ITGB5: variants seen among roughly 807,000 people sequenced by gnomAD.
ITGB5 encodes integrin beta-5.
ITGB5 carries 38 observed loss-of-function variants against 84.8 expected under a neutral mutation model. The observed-to-expected ratio is 0.45, with a 90% CI of 0.35 to 0.59. The LOEUF (loss-of-function observed/expected upper bound fraction) is 0.59, where lower values mean the gene tolerates loss of function less well. Ranked by LOEUF, ITGB5 falls within the 20% of genes least tolerant of loss-of-function variation. The probability of loss-of-function intolerance (pLI) is 0.01; values close to 1 mark genes in which losing one functional copy is unlikely to be tolerated. For missense variants in ITGB5, 905 were observed against 1,034.5 expected, an observed-to-expected ratio of 0.87 and a Z score of 1.72; for synonymous variants, 393 against 414.4, an observed-to-expected ratio of 0.95 and a Z score of 0.63.
At chr3:124,836,939 A>C (rs901470450) in intron 5 of ITGB5, among the ~76,000 whole-genome samples, 3 of 152,270 alleles carry the variant, frequency 2.0e-5, no homozygotes, top group Non-Finnish European at 4.4e-5. Flanking sequence ...ATTAAAACAG[A>C]AACTCTGTCT....
upstream of ITGB5, among the ~76,000 whole-genome samples, chr3:124,887,979 C>G (rs1934907002): frequency 6.6e-6 from 1 of 151,546 alleles, no homozygotes; most frequent in African/African-American, 2.4e-5. Context: ...TGCACTGGCC[C>G]AGTCTTGGCT....
At chr3:124,874,297 C>T (rs1406573393) in intron 1 of ITGB5, among the ~76,000 whole-genome samples, 1 of 79,974 alleles carries the variant, frequency 1.3e-5, no homozygotes. Context: ...GACCCAGTCT[C>T]AAAAGCCGGA....
chr3:124,888,574 C>G (rs965494220), upstream of ITGB5, among the ~76,000 whole-genome samples: 3 of 152,222 alleles, frequency 2.0e-5, no homozygotes, highest in African/African-American at 7.2e-5. Context: ...CAGCCAGGCA[C>G]TGTTCTAAGT....
chr3:124,876,111 C>T (rs1934300514), intron 1 of ITGB5, among the ~76,000 whole-genome samples: 1 of 152,118 alleles, frequency 6.6e-6, no homozygotes, highest in South Asian at 2.1e-4. Context: ...TAATGTATTG[C>T]ACACTTGAGA....
chr3:124,809,276 A>T, intron 8 of ITGB5, 120 bp from the exon 9 acceptor site: 2 of 1,061,720 alleles, frequency 1.9e-6, no homozygotes, highest in South Asian at 1.5e-5. Context: ...AAGCCAAAGG[A>T]AGAGCCAGTG....
At chr3:124,768,991 C>T (rs373303609) in intron 12 of ITGB5, 22 bp downstream of exon 12, 64 of 1,582,514 alleles carry the variant, frequency 4.0e-5, no homozygotes, top group East Asian at 6.7e-5. Flanking sequence ...CGTGACTGCC[C>T]GGGTGGTGGC....
At chr3:124,894,779 G>A (rs1935069407) in intron 1 of ITGB5, 1 of 152,284 alleles carries the variant, frequency 6.6e-6, no homozygotes, top group Non-Finnish European at 1.5e-5. Context: ...TAAAGGAGTA[G>A]GCAGGAGATG....
At chr3:124,877,362 T>A (rs1934373162) in intron 1 of ITGB5, among the ~76,000 whole-genome samples, 1 of 152,096 alleles carries the variant, frequency 6.6e-6, no homozygotes, top group African/African-American at 2.4e-5. Context: ...TCAGTCCCAT[T>A]TTTTGGTCAA....
intron 8 of ITGB5, among the ~76,000 whole-genome samples, chr3:124,815,013 G>A (rs1472539241): frequency 1.3e-5 from 2 of 152,180 alleles, no homozygotes; most frequent in Admixed American, 1.3e-4. Context: ...CTACCACACA[G>A]GGAATGCTTT....
chr3:124,859,441 G>A lies in ITGB5; in HGVS notation c.162C>T (p.Phe54=), dbSNP rs777220294. ...PKCAWCSKED[F]GSPRSITSRC... is the part of the protein sequence containing the mutation. ...GAGAGGTGATGGACCGTGGGCTTCC[G>A]AAGTCCTAGGCAGGGAAAAAGAGGA... Residue 54 remains phenylalanine (F), a synonymous_variant, in exon 3 of 15, where the codon TTC becomes TTT. Transcript: ENST00000296181. 18 of 1,613,418 alleles carry A rather than the reference G, an allele frequency of 1.1e-5. 1 individual carries two copies. Among genetic ancestry groups the A allele is most frequent in the East Asian group, 6.7e-5 (3 of 44,886 alleles).
In ITGB5 at chr3:124,770,938, G is replaced by A. The variant is rs565285473; in HGVS notation, c.1917-1825C>T. Among the ~76,000 whole-genome samples, 235 of 151,346 alleles carry A rather than the reference G, an allele frequency of 1.6e-3. 1 individual carries two copies. Among genetic ancestry groups the A allele is most frequent in the African/African-American group, 2.4e-3 (101 of 41,290 alleles). ...CACCAGCCTCCCAGATTAGCACAGG[G>A]CTAAGAGGGCTGCTTTCTCTCCCGG... On this transcript the variant is annotated intron_variant, in intron 11 of 14. Transcript: ENST00000296181.
At chr3:124,837,812 G>A (rs966603332) in intron 5 of ITGB5, among the ~76,000 whole-genome samples, 1 of 152,212 alleles carries the variant, frequency 6.6e-6, no homozygotes, top group African/African-American at 2.4e-5. Context: ...GTGGCGCTGG[G>A]AGATAGGCCT....
chr3:124,808,874 C>T (rs2064451930), intron 9 of ITGB5, 148 bp downstream of exon 9: 1 of 811,590 alleles, frequency 1.2e-6, no homozygotes, highest in African/African-American at 1.7e-5. Flanking sequence ...TCATGCAAAA[C>T]AGGCTTAGGA....
chr3:124,869,658 AC>A (rs2065446732), intron 2 of ITGB5, among the ~76,000 whole-genome samples: 1 of 152,146 alleles, frequency 6.6e-6, no homozygotes, highest in Non-Finnish European at 1.5e-5. Context: ...GGGAAAAGTC[AC>A]CCCCAAAGAA....
chr3:124,818,230 T>C (rs543515778), intron 7 of ITGB5, among the ~76,000 whole-genome samples: 2 of 152,282 alleles, frequency 1.3e-5, no homozygotes, highest in East Asian at 3.9e-4. Context: ...TGAGGTCCTG[T>C]GGCAAAGGGG....
chr3:124,843,744 C>T (rs1361172452), intron 4 of ITGB5, among the ~76,000 whole-genome samples: 1 of 152,162 alleles, frequency 6.6e-6, no homozygotes. Flanking sequence ...AAGATCCGGA[C>T]GTTCTGGGGT....
chr3:124,774,782 A>AG (rs5852429), intron 10 of ITGB5, among the ~76,000 whole-genome samples: 24,805 of 152,188 alleles, frequency 0.16, 2,244 homozygotes, highest in Admixed American at 0.25. Flanking sequence ...GCAGATGCTG[A>AG]GAACAGCAGC....
chr3:124,864,092 A>G (rs1201150087), intron 2 of ITGB5, among the ~76,000 whole-genome samples: 2 of 133,034 alleles, frequency 1.5e-5, no homozygotes, highest in African/African-American at 5.8e-5. Context: ...CAAGACCTAT[A>G]TTTCTTTTTT....
rs186325074 is a variant in ITGB5, at chr3:124,779,372, G to A, written c.1694-5460C>T. The stretch of plus-strand genomic sequence containing the variant: ...AATGAGCCAAAGGCAGTACTGGGGG[G>A]CGAGAAACGTGTGACCTGGGTGTGG... On this transcript the variant is annotated intron_variant, in intron 10 of 14. Transcript: ENST00000296181. Among the ~76,000 whole-genome samples, 904 of 152,252 alleles carry A rather than the reference G, an allele frequency of 5.9e-3. 8 individuals carry two copies. The highest frequency in any genetic ancestry group is 0.01 in the Non-Finnish European group (691 of 68,004).
Sources: allele counts gnomAD v4.1 joint callset (sites outside exome capture counted in the v4.1 genomes callset), GRCh38; gene constraint gnomAD v4.1.1; transcripts MANE v1.5; gene names NCBI Gene and HGNC (gene_info 2026-07-23, HGNC 2026-07-21).